The following PALM2AKAP2 variants were observed in gnomAD, a reference collection of about 807,000 sequenced individuals.
PALM2AKAP2 encodes the protein PALM2 and AKAP2 fusion.
A neutral mutation model predicts 71.5 loss-of-function variants in PALM2AKAP2; 37 were observed. The ratio of observed to expected loss-of-function variants is 0.52; its 90% CI spans 0.40 to 0.68. The LOEUF is 0.68. Among genes scored for constraint, PALM2AKAP2 ranks in the 30% least tolerant of loss-of-function variants. The pLI is 0.00. For synonymous variants in PALM2AKAP2, 468 were observed against 478.8 expected (o/e 0.98, Z 0.29); for missense variants, 1,224 against 1,191.8 (o/e 1.03, Z -0.40).
At chr9:109,830,096 A>G (rs1828257758) in intron 1 of PALM2AKAP2, among the ~76,000 whole-genome samples, 2 of 152,334 alleles carry the variant, frequency 1.3e-5, no homozygotes, top group Middle Eastern at 6.8e-3. Context: ...CCCAAACACA[A>G]GGAAACTTTC....
chr9:109,814,875 A>G (rs1042249168), intron 1 of PALM2AKAP2, among the ~76,000 whole-genome samples: 4 of 152,212 alleles, frequency 2.6e-5, no homozygotes, highest in Non-Finnish European at 5.9e-5. Flanking sequence ...ACTGTCTTGT[A>G]TGCCATTTTA....
intron 7 of PALM2AKAP2, among the ~76,000 whole-genome samples, chr9:110,036,129 G>A (rs565056015): frequency 6.6e-6 from 1 of 152,080 alleles, no homozygotes; most frequent in South Asian, 2.1e-4. Flanking sequence ...TAGATACTGG[G>A]TTTCACCGTG....
At chr9:109,836,387 A>G (rs1001312480) in intron 1 of PALM2AKAP2, among the ~76,000 whole-genome samples, 1 of 152,236 alleles carries the variant, frequency 6.6e-6, no homozygotes, top group South Asian at 2.1e-4. Context: ...GTACGTCACC[A>G]TCATCAAAGA....
In PALM2AKAP2 at chr9:109,969,114, G is replaced by A. The variant is rs1300053832; in HGVS notation, c.496+37086G>A. On this transcript the variant is annotated intron_variant, in intron 6 of 9. Transcript: ENST00000302798. The stretch of plus-strand genomic sequence containing the variant: ...CACACACACACACACACACACACAC[G>A]ACTCCCAGAAAGGACCCTCTGAAGA... Among the ~76,000 whole-genome samples, 20 of 102,482 alleles carry A rather than the reference G, an allele frequency of 2.0e-4. No homozygotes were observed. The Admixed American group carries it at 2.1e-3, about 11-fold the overall frequency. 67.2% of individuals were successfully genotyped at this position (102,482 alleles called of 152,430 possible).
intron 1 of PALM2AKAP2, among the ~76,000 whole-genome samples, chr9:109,813,245 G>A (rs567634044): frequency 1.1e-4 from 17 of 152,298 alleles, no homozygotes; most frequent in South Asian, 4.1e-4. Context: ...TGTGGCTGCT[G>A]AGGCTTGATT....
At chr9:109,832,556 C>G (rs1367055433) in intron 1 of PALM2AKAP2, among the ~76,000 whole-genome samples, 1 of 152,192 alleles carries the variant, frequency 6.6e-6, no homozygotes, top group East Asian at 1.9e-4. Flanking sequence ...TTGCTGCTTT[C>G]AGAAGAAACA....
intron 3 of PALM2AKAP2, among the ~76,000 whole-genome samples, chr9:109,918,219 G>A (rs1235629307): frequency 6.6e-6 from 1 of 152,226 alleles, no homozygotes; most frequent in African/African-American, 2.4e-5. Flanking sequence ...GTGTTTGCAT[G>A]AAGTTAGATG....
chr9:110,006,487 T>A (rs776257960), intron 6 of PALM2AKAP2, among the ~76,000 whole-genome samples: 1 of 151,952 alleles, frequency 6.6e-6, no homozygotes, highest in Non-Finnish European at 1.5e-5. Context: ...CCCAAGTAGC[T>A]GGGAATACAG....
intron 1 of PALM2AKAP2, among the ~76,000 whole-genome samples, chr9:109,772,974 C>G (rs955073802): frequency 6.6e-6 from 1 of 152,108 alleles, no homozygotes; most frequent in Non-Finnish European, 1.5e-5. Context: ...AAAAATTAGC[C>G]GGGTGTGGTG....
intron 1 of PALM2AKAP2, among the ~76,000 whole-genome samples, chr9:110,127,126 A>G (rs1835624838): frequency 6.6e-6 from 1 of 152,218 alleles, no homozygotes; most frequent in Non-Finnish European, 1.5e-5. Context: ...CTCAGAAAAA[A>G]AGGCTGGACC....
intron 1 of PALM2AKAP2, among the ~76,000 whole-genome samples, chr9:110,092,462 T>G (rs1245853555): frequency 1.3e-5 from 2 of 152,264 alleles, no homozygotes; most frequent in Non-Finnish European, 2.9e-5. Context: ...TATTATATGC[T>G]TTTTTAAACC....
chr9:110,132,432 C>T (rs887853137), intron 1 of PALM2AKAP2, among the ~76,000 whole-genome samples: 2 of 151,936 alleles, frequency 1.3e-5, no homozygotes, highest in African/African-American at 2.4e-5. Flanking sequence ...TTCTGCTCTC[C>T]GGGTTCAAGA....
rs138982152 is a variant in PALM2AKAP2 at position 109,866,242 on chromosome 9, C to T, written c.46-1249C>T. The stretch of plus-strand genomic sequence containing the variant: ...AGCGACTACATAAAATAAAAGCTTC[C>T]GTTAACACTGAGCACAGCAGCCAGG... On this transcript the variant is annotated intron_variant, in intron 1 of 9. Coordinates refer to the PALM2AKAP2 transcript ENST00000302798. Among the ~76,000 whole-genome samples the T allele has an allele frequency of 2.1e-3, 323 of 152,262 alleles. 2 individuals are homozygous for T. The highest frequency in any genetic ancestry group is 7.1e-3 in the African/African-American group (296 of 41,552).
chr9:109,717,311 C>T (rs569143816), intron 1 of PALM2AKAP2, among the ~76,000 whole-genome samples: 2 of 152,124 alleles, frequency 1.3e-5, no homozygotes, highest in Non-Finnish European at 2.9e-5. Context: ...TGAGGCAGTT[C>T]ATGGCCTATC....
chr9:110,105,389 G>C (rs374802802), intron 1 of PALM2AKAP2, among the ~76,000 whole-genome samples: 88 of 152,278 alleles, frequency 5.8e-4, no homozygotes, highest in African/African-American at 2.0e-3. Flanking sequence ...TCCTACTTGG[G>C]AATTGAATTA....
At chr9:109,986,843 C>T (rs1365731513) in intron 6 of PALM2AKAP2, among the ~76,000 whole-genome samples, 2 of 152,174 alleles carry the variant, frequency 1.3e-5, no homozygotes, top group Non-Finnish European at 2.9e-5. Flanking sequence ...ATGACTAGTT[C>T]TAGAAGCATT....
intron 1 of PALM2AKAP2, among the ~76,000 whole-genome samples, chr9:109,709,831 T>C (rs573214340): frequency 6.6e-6 from 1 of 152,330 alleles, no homozygotes; most frequent in East Asian, 1.9e-4. Context: ...GTATACAACC[T>C]GTAGCGATTT....
intron 1 of PALM2AKAP2, among the ~76,000 whole-genome samples, chr9:109,724,958 C>T (rs566631928): frequency 2.1e-4 from 32 of 152,074 alleles, no homozygotes; most frequent in Non-Finnish European, 4.0e-4. Context: ...TTGCAAAGTA[C>T]GGGAATTCTT....
chr9:109,668,694 G>T (rs746629663), intron 1 of PALM2AKAP2, among the ~76,000 whole-genome samples: 8 of 152,210 alleles, frequency 5.3e-5, no homozygotes, highest in Non-Finnish European at 1.2e-4. Context: ...TATCAAGAAG[G>T]TATATGATTA....
Sources: allele counts gnomAD v4.1 joint callset (sites outside exome capture counted in the v4.1 genomes callset), GRCh38; gene constraint gnomAD v4.1.1; transcripts MANE v1.5; gene names NCBI Gene and HGNC (gene_info 2026-07-23, HGNC 2026-07-21).